The following ASIC2 variants were observed in gnomAD, a reference collection of about 807,000 sequenced individuals.
ASIC2 encodes the protein acid-sensing ion channel 2.
A neutral mutation model predicts 57.3 loss-of-function variants in ASIC2; 25 were observed. The observed-to-expected ratio is 0.44, with a 90% confidence interval of 0.32 to 0.61. The LOEUF (loss-of-function observed/expected upper bound fraction) is 0.61. Ranked by LOEUF, ASIC2 falls within the 20% of genes least tolerant of loss-of-function variation. The pLI is 0.06. For synonymous variants in ASIC2, 319 were observed against 307.5 expected, an observed-to-expected ratio of 1.04 and a Z score of -0.39; for missense variants, 641 against 738.1, an observed-to-expected ratio of 0.87 and a Z score of 1.52.
chr17:33,671,211 G>A (rs56174208), intron 1 of ASIC2, among the ~76,000 whole-genome samples: 2,448 of 152,108 alleles, frequency 0.016, 33 homozygotes, highest in African/African-American at 0.036. Context: ...TCCTTTCTTC[G>A]TCTCACATGG....
chr17:33,397,966 G>A (rs1316173210), intron 1 of ASIC2, among the ~76,000 whole-genome samples: 2 of 152,168 alleles, frequency 1.3e-5, no homozygotes, highest in South Asian at 4.1e-4. Context: ...TCTCAATCAG[G>A]ATCATAGTGG....
chr17:33,665,938 T>C (rs1211319735), intron 1 of ASIC2, among the ~76,000 whole-genome samples: 1 of 152,128 alleles, frequency 6.6e-6, no homozygotes, highest in African/African-American at 2.4e-5. Context: ...CCCTTCTCTG[T>C]GCGTGCGACT....
intron 1 of ASIC2, among the ~76,000 whole-genome samples, chr17:33,125,816 C>T (rs1237224299): frequency 6.6e-6 from 1 of 152,192 alleles, no homozygotes; most frequent in Non-Finnish European, 1.5e-5. Flanking sequence ...CTACTGCTTT[C>T]ACATCAGTTC....
intron 1 of ASIC2, among the ~76,000 whole-genome samples, chr17:33,718,730 G>A (rs890041939): frequency 2.6e-5 from 4 of 152,178 alleles, no homozygotes; most frequent in African/African-American, 9.7e-5. Flanking sequence ...GGTGGGGGAG[G>A]AGGAAACAGT....
chr17:34,083,187 A>G (rs1297556642), intron 1 of ASIC2, among the ~76,000 whole-genome samples: 1 of 100,796 alleles, frequency 9.9e-6, no homozygotes, highest in East Asian at 3.4e-4. Flanking sequence ...CCCACCCCAC[A>G]ACAGTCCCCA....
At chr17:33,397,377 G>C (rs1196131990) in intron 1 of ASIC2, among the ~76,000 whole-genome samples, 1 of 152,146 alleles carries the variant, frequency 6.6e-6, no homozygotes, top group Non-Finnish European at 1.5e-5. Context: ...GTCTGTCTTA[G>C]GATGTGAGCT....
intron 1 of ASIC2, among the ~76,000 whole-genome samples, chr17:33,337,395 G>T (rs1432389967): frequency 6.6e-6 from 1 of 150,846 alleles, no homozygotes; most frequent in Non-Finnish European, 1.5e-5. Flanking sequence ...TTGCCCAAAG[G>T]CATGTAATAG....
chr17:33,362,498 C>T (rs1908649396), intron 1 of ASIC2, among the ~76,000 whole-genome samples: 1 of 152,194 alleles, frequency 6.6e-6, no homozygotes, highest in Admixed American at 6.5e-5. Flanking sequence ...TGTTGGGGAA[C>T]ACAGTGTGGG....
intron 1 of ASIC2, among the ~76,000 whole-genome samples, chr17:33,403,035 G>C (rs1257388543): frequency 1.3e-5 from 2 of 152,140 alleles, no homozygotes; most frequent in Non-Finnish European, 2.9e-5. Flanking sequence ...ACTTTGTATG[G>C]TCAAAATATT....
intron 1 of ASIC2, among the ~76,000 whole-genome samples, chr17:33,347,179 TGAA>T (rs1907982628): frequency 6.6e-6 from 1 of 152,162 alleles, no homozygotes; most frequent in Non-Finnish European, 1.5e-5. Flanking sequence ...GGGTGGCCTT[TGAA>T]GGAGTGGGGA....
chr17:33,373,108 T>A (rs140878717), intron 1 of ASIC2, among the ~76,000 whole-genome samples: 182 of 152,320 alleles, frequency 1.2e-3, no homozygotes, highest in African/African-American at 4.3e-3. Context: ...TGAGTAAATC[T>A]GTTCCATGCC....
chr17:33,301,376 G>GA (rs1290346854), intron 1 of ASIC2, among the ~76,000 whole-genome samples: 1 of 152,102 alleles, frequency 6.6e-6, no homozygotes, highest in African/African-American at 2.4e-5. Context: ...GCAACTCTAT[G>GA]AAGTATGTCC....
intron 1 of ASIC2, among the ~76,000 whole-genome samples, chr17:33,506,219 C>A (rs1471489316): frequency 4.8e-5 from 7 of 145,540 alleles, no homozygotes; most frequent in Non-Finnish European, 1.0e-4. Context: ...ATGGTGAAAC[C>A]CCATCTCTAC....
chr17:33,489,912 T>A (rs1913698239), intron 1 of ASIC2, among the ~76,000 whole-genome samples: 1 of 152,198 alleles, frequency 6.6e-6, no homozygotes, highest in South Asian at 2.1e-4. Context: ...TGGCTTTACC[T>A]TGAAATAAGA....
chr17:33,786,123 C>T (rs75328770), intron 1 of ASIC2, among the ~76,000 whole-genome samples: 1 of 152,152 alleles, frequency 6.6e-6, no homozygotes, highest in African/African-American at 2.4e-5. Flanking sequence ...TGTGCCCCCC[C>T]CTTGATCATG....
At chr17:33,211,862 G>A (rs1907288032) in intron 1 of ASIC2, among the ~76,000 whole-genome samples, 1 of 152,178 alleles carries the variant, frequency 6.6e-6, no homozygotes, top group Non-Finnish European at 1.5e-5. Flanking sequence ...AGTGAAGACG[G>A]GTTCCAGGAT....
intron 1 of ASIC2, among the ~76,000 whole-genome samples, chr17:34,084,704 C>G (rs1234810795): frequency 1.3e-5 from 2 of 152,064 alleles, no homozygotes; most frequent in Non-Finnish European, 1.5e-5. Flanking sequence ...TGTTTGTATC[C>G]TCTTTTATTT....
At chr17:33,041,375 G>C (rs1352896652) in intron 3 of ASIC2, among the ~76,000 whole-genome samples, 1 of 152,174 alleles carries the variant, frequency 6.6e-6, no homozygotes, top group African/African-American at 2.4e-5. Flanking sequence ...ATGGCAGTAT[G>C]GTGGCTGGTC....
intron 1 of ASIC2, among the ~76,000 whole-genome samples, chr17:33,410,685 T>C (rs1389815885): frequency 6.6e-6 from 1 of 152,204 alleles, no homozygotes; most frequent in African/African-American, 2.4e-5. Flanking sequence ...TCTTGGACTC[T>C]TGTATTCGTC....
Sources: allele counts gnomAD v4.1 joint callset (sites outside exome capture counted in the v4.1 genomes callset), GRCh38; gene constraint gnomAD v4.1.1; transcripts MANE v1.5; gene names NCBI Gene and HGNC (gene_info 2026-07-23, HGNC 2026-07-21).